ZNF138: variants seen among roughly 807,000 people sequenced by gnomAD.
ZNF138 encodes zinc finger protein 138 (clone pHZ-32).
A neutral mutation model predicts 33.0 loss-of-function variants in ZNF138; 33 were observed. That is an observed-to-expected ratio of 1.00 (90% CI 0.76 to 1.34). The LOEUF (loss-of-function observed/expected upper bound fraction) is 1.34. Among genes scored for constraint, ZNF138 ranks in the 40% most tolerant of loss-of-function variants. The pLI, the probability that ZNF138 is intolerant of heterozygous loss-of-function variation, is 0.00. For synonymous variants in ZNF138, 139 were observed against 120.4 expected (o/e 1.15, Z -1.01); for missense variants, 360 against 370.8 (o/e 0.97, Z 0.24).
At chr7:64,847,332 A>ATATT in the ZNF138 span, among the ~76,000 whole-genome samples, 53 of 128,132 alleles carry the variant, frequency 4.1e-4, no homozygotes, top group African/African-American at 1.1e-3. Context: ...ATATATATAT[A>ATATT]TTTTTTTTTT....
At chr7:64,831,074 G>C (rs1441870951) in intron 3 of ZNF138, 1 of 1,549,846 alleles carries the variant, frequency 6.5e-7, no homozygotes, top group Non-Finnish European at 8.7e-7. Context: ...CAGAAATAAA[G>C]ATGTATGTGT....
chr7:64,834,545 ATAATG>A (rs1220529507), downstream of ZNF138, among the ~76,000 whole-genome samples: 4 of 152,238 alleles, frequency 2.6e-5, no homozygotes, highest in Admixed American at 6.5e-5. Context: ...TGAAAAGTGA[ATAATG>A]TAATTCAACT....
At chr7:64,853,264 A>G in the ZNF138 span, 5 of 1,611,660 alleles carry the variant, frequency 3.1e-6, no homozygotes, top group South Asian at 5.5e-5. Flanking sequence ...GGCACTTTGT[A>G]GCCTGTGCCC....
chr7:64,817,303 C>T (rs1219877690), intron 3 of ZNF138, among the ~76,000 whole-genome samples: 1 of 152,192 alleles, frequency 6.6e-6, no homozygotes, highest in Non-Finnish European at 1.5e-5. Context: ...CTCTCCCAGA[C>T]TGTGATTGGG....
chr7:64,822,120 C>T (rs1460137322), intron 3 of ZNF138, among the ~76,000 whole-genome samples: 3 of 150,900 alleles, frequency 2.0e-5, no homozygotes, highest in South Asian at 4.2e-4. Context: ...GGGGTTTCAC[C>T]GTGTTAGCCA....
chr7:64,824,867 C>CT (rs57401048), intron 3 of ZNF138, among the ~76,000 whole-genome samples: 8 of 146,238 alleles, frequency 5.5e-5, no homozygotes, highest in African/African-American at 2.0e-4. Context: ...TTATGAGTCT[C>CT]TTTTTTTTTT....
chr7:64,803,536 G>T (rs1438261215), intron 1 of ZNF138, among the ~76,000 whole-genome samples: 2 of 152,078 alleles, frequency 1.3e-5, no homozygotes, highest in Non-Finnish European at 1.5e-5. Context: ...GTTGTGCTTT[G>T]GTTTCTGCTT....
the ZNF138 span, among the ~76,000 whole-genome samples, chr7:64,840,627 A>G: frequency 2.6e-5 from 4 of 152,192 alleles, no homozygotes; most frequent in East Asian, 7.7e-4. Context: ...ATTAAATGCT[A>G]CTGACTACAG....
At chr7:64,805,952 A>G (rs1378875838) in intron 1 of ZNF138, among the ~76,000 whole-genome samples, 1 of 152,240 alleles carries the variant, frequency 6.6e-6, no homozygotes, top group African/African-American at 2.4e-5. Context: ...TATGGTGACC[A>G]TCTTTCTGTC....
chr7:64,830,988 A>G, intron 3 of ZNF138: 3 of 1,551,608 alleles, frequency 1.9e-6, no homozygotes, highest in African/African-American at 1.4e-5. Flanking sequence ...TTGTCATTCC[A>G]AAGTATCCTG....
At chr7:64,816,926 A>G (rs974368233) in intron 3 of ZNF138, among the ~76,000 whole-genome samples, 1 of 152,154 alleles carries the variant, frequency 6.6e-6, no homozygotes, top group Non-Finnish European at 1.5e-5. Flanking sequence ...GCCCACCTTT[A>G]CTGGCTTGTT....
chr7:64,847,731 A>C, the ZNF138 span, among the ~76,000 whole-genome samples: 1 of 151,972 alleles, frequency 6.6e-6, no homozygotes, highest in Non-Finnish European at 1.5e-5. Context: ...CATTACCTTA[A>C]GTTTATGTGA....
At chr7:64,806,868 G>T (rs1787644517) in intron 1 of ZNF138, among the ~76,000 whole-genome samples, 1 of 152,106 alleles carries the variant, frequency 6.6e-6, no homozygotes, top group Non-Finnish European at 1.5e-5. Flanking sequence ...TTGGGAACAG[G>T]CTCCCCAAAA....
intron 2 of ZNF138, among the ~76,000 whole-genome samples, chr7:64,815,251 C>G: frequency 6.6e-6 from 1 of 152,036 alleles, no homozygotes; most frequent in East Asian, 1.9e-4. Flanking sequence ...CATTTCTGAG[C>G]TGATATGTAT....
chr7:64,858,179 TC>T, the ZNF138 span, among the ~76,000 whole-genome samples: 1 of 151,962 alleles, frequency 6.6e-6, no homozygotes, highest in African/African-American at 2.4e-5. Flanking sequence ...CATTAGCTTT[TC>T]ATGAAAAATC....
At chr7:64,807,165 G>A (rs1176242352) in intron 1 of ZNF138, among the ~76,000 whole-genome samples, 1 of 152,232 alleles carries the variant, frequency 6.6e-6, no homozygotes, top group Non-Finnish European at 1.5e-5. Context: ...CTGGCTTGCT[G>A]TTAATGAATA....
chr7:64,843,359 A>C, the ZNF138 span, among the ~76,000 whole-genome samples: 2 of 152,294 alleles, frequency 1.3e-5, no homozygotes, highest in South Asian at 2.1e-4. Context: ...TTTAATTTTA[A>C]ATTTTTTTGA....
At chr7:64,806,466 C>G (rs554340882) in intron 1 of ZNF138, among the ~76,000 whole-genome samples, 1 of 152,290 alleles carries the variant, frequency 6.6e-6, no homozygotes, top group African/African-American at 2.4e-5. Context: ...TTTCCCTTTC[C>G]TCCTCCTCTT....
At chr7:64,853,211 G>A in the ZNF138 span, 1 of 1,602,536 alleles carries the variant, frequency 6.2e-7, no homozygotes, top group Non-Finnish European at 8.5e-7. Context: ...CTTCTTGGAA[G>A]TGGTTCTGTA....
Sources: gnomAD v4.1 joint callset for allele counts (sites outside exome capture counted in the v4.1 genomes callset) on GRCh38, gnomAD v4.1.1 for gene constraint, MANE v1.5 for transcripts, NCBI Gene and HGNC (gene_info 2026-07-23, HGNC 2026-07-21) for gene names.